GSG1L: variants seen among roughly 807,000 people sequenced by gnomAD.
The protein encoded by GSG1L is GSG1 like.
In GSG1L, 24 loss-of-function variants were observed where a neutral mutation model predicts 42.1. That is an observed-to-expected ratio of 0.57 (90% confidence interval 0.41 to 0.80). The LOEUF is 0.80. Ranked by LOEUF, GSG1L falls within the 30% of genes least tolerant of loss-of-function variation. The probability of loss-of-function intolerance (pLI) is 0.00; values close to 1 mark genes in which losing one functional copy is unlikely to be tolerated. For synonymous variants in GSG1L, 215 were observed against 203.5 expected (o/e 1.06, Z -0.48); for missense variants, 445 against 472.2 (o/e 0.94, Z 0.53).
In GSG1L at chr16:27,946,987, A is replaced by G. The variant is rs532614027; in HGVS notation, c.397+16169T>C. ...TTATCCCTATTTTACAGATGAAGAC[A>G]TGAAGTCACTAAAAGGATCAACAGC... On this transcript the variant is annotated intron_variant, in intron 2 of 6. Transcript: ENST00000447459. Among the ~76,000 whole-genome samples the G allele has an allele frequency of 2.0e-5, 3 of 152,290 alleles. No individual in the cohort carries two copies. In the South Asian group the frequency reaches 6.2e-4, roughly 32 times the overall value.
At chr16:27,910,764 A>G (rs905367028) in intron 2 of GSG1L, among the ~76,000 whole-genome samples, 8 of 152,220 alleles carry the variant, frequency 5.3e-5, no homozygotes, top group Admixed American at 3.3e-4. Context: ...CTGTAACGCC[A>G]GCACTTTGGG....
intron 2 of GSG1L, among the ~76,000 whole-genome samples, chr16:27,934,341 C>T (rs781350293): frequency 2.6e-4 from 39 of 152,150 alleles, no homozygotes; most frequent in African/African-American, 6.0e-4. Flanking sequence ...GTCAGGAGTT[C>T]GAGACCAGCC....
chr16:28,040,604 A>C lies in GSG1L; in HGVS notation c.349+22472T>G, dbSNP rs2086094374. 6.6e-6 allele frequency among the ~76,000 whole-genome samples: 1 copy of C among 152,236 alleles called. No individual in the cohort carries two copies. The highest frequency in any genetic ancestry group is 2.4e-5 in the African/African-American group (1 of 41,466). On this transcript the variant is annotated intron_variant, in intron 1 of 6. Transcript: ENST00000447459. The surrounding 1 kb of genome is among the most constrained non-coding windows in gnomAD (Gnocchi z 4.1). ...TAAATGAACGAATGAATGAAATGTC[A>C]AGGACGGATGCCCTTCCAGCAACCT... is the stretch of plus-strand genomic sequence containing the variant.
chr16:27,951,289 G>A (rs183469184), intron 2 of GSG1L, among the ~76,000 whole-genome samples: 61 of 152,322 alleles, frequency 4.0e-4, no homozygotes, highest in African/African-American at 1.3e-3. Context: ...AACCTGGGTC[G>A]CAGGGCTGGG....
At chr16:27,933,929 C>G (rs2084684834) in intron 2 of GSG1L, among the ~76,000 whole-genome samples, 1 of 152,200 alleles carries the variant, frequency 6.6e-6, no homozygotes, top group Non-Finnish European at 1.5e-5. Context: ...ATTTTGAACC[C>G]TGCCACCCTC....
At chr16:27,856,752 T>C (rs2083583587) in intron 3 of GSG1L, among the ~76,000 whole-genome samples, 1 of 152,182 alleles carries the variant, frequency 6.6e-6, no homozygotes, top group Non-Finnish European at 1.5e-5. Context: ...AGTGAGTGAT[T>C]TAGAGAAAAT....
intron 6 of GSG1L, among the ~76,000 whole-genome samples, chr16:27,797,536 AAAAG>A (rs60447773): frequency 0.17 from 24,560 of 145,522 alleles, 2,202 homozygotes; most frequent in African/African-American, 0.22. Context: ...AAAAAAAAAA[AAAAG>A]GGCCGGGCGC....
At chr16:27,963,433 C>T (rs2085093627) in intron 1 of GSG1L, among the ~76,000 whole-genome samples, 1 of 152,136 alleles carries the variant, frequency 6.6e-6, no homozygotes, top group South Asian at 2.1e-4. Flanking sequence ...TCGCTTCCAC[C>T]TCCACGATAG....
intron 3 of GSG1L, among the ~76,000 whole-genome samples, chr16:27,855,922 G>A (rs1015998613): frequency 6.6e-6 from 1 of 152,080 alleles, no homozygotes; most frequent in Non-Finnish European, 1.5e-5. Flanking sequence ...GCTTCCCTGA[G>A]GCAGGATGTT....
chr16:28,015,766 A>C (rs1238612283), intron 1 of GSG1L, among the ~76,000 whole-genome samples: 1 of 152,222 alleles, frequency 6.6e-6, no homozygotes, highest in East Asian at 1.9e-4. Context: ...AAATATCCTT[A>C]TCAGGACTTG....
chr16:28,045,908 A>G (rs1375466002), intron 1 of GSG1L, among the ~76,000 whole-genome samples: 2 of 151,976 alleles, frequency 1.3e-5, no homozygotes, highest in African/African-American at 4.8e-5. Flanking sequence ...AAGCAGGAGA[A>G]TCATTTGAAC....
intron 1 of GSG1L, among the ~76,000 whole-genome samples, chr16:27,974,236 A>T (rs375268560): frequency 1.3e-5 from 2 of 152,292 alleles, no homozygotes; most frequent in South Asian, 2.1e-4. Flanking sequence ...GGGGATCCAC[A>T]GCACCCTAAA....
chr16:27,942,147 CTT>C (rs34617355), intron 2 of GSG1L, among the ~76,000 whole-genome samples: 1,274 of 115,930 alleles, frequency 0.011, 17 homozygotes, highest in African/African-American at 0.04. Flanking sequence ...AAAACTTCTT[CTT>C]TTTTTTTTTT....
intron 1 of GSG1L, among the ~76,000 whole-genome samples, chr16:27,966,482 C>T (rs1421253475): frequency 6.6e-6 from 1 of 151,094 alleles, no homozygotes; most frequent in Admixed American, 6.7e-5. Context: ...CAGAGCAAGA[C>T]CCCATCTAGG....
intron 2 of GSG1L, among the ~76,000 whole-genome samples, chr16:27,910,291 C>T (rs1461254919): frequency 6.6e-6 from 1 of 152,102 alleles, no homozygotes; most frequent in East Asian, 1.9e-4. Context: ...CCCTCCTGGT[C>T]TGGTCCATAT....
At chr16:27,803,278 C>T (rs777612593) in intron 6 of GSG1L, among the ~76,000 whole-genome samples, 7 of 152,088 alleles carry the variant, frequency 4.6e-5, no homozygotes, top group Admixed American at 2.0e-4. Flanking sequence ...GCCCCTCTGT[C>T]CATGCCCCGA....
chr16:27,918,191 G>C (rs553692201), intron 2 of GSG1L, among the ~76,000 whole-genome samples: 2 of 152,284 alleles, frequency 1.3e-5, no homozygotes, highest in African/African-American at 4.8e-5. Flanking sequence ...AGGGGAATGT[G>C]ATGCTTTGAC....
At chr16:27,909,345 CTTTCTTTCTTT>C (rs1283835657) in intron 2 of GSG1L, among the ~76,000 whole-genome samples, 3 of 149,484 alleles carry the variant, frequency 2.0e-5, no homozygotes, top group East Asian at 3.9e-4. Context: ...CTTTTTCTTT[CTTTCTTTCTTT>C]TTTCTTTCTT....
intron 3 of GSG1L, among the ~76,000 whole-genome samples, chr16:27,865,568 TATATACACACACACATACATACATACAC>T (rs2083710676): frequency 9.6e-5 from 2 of 20,866 alleles, no homozygotes; most frequent in African/African-American, 6.2e-4. Context: ...TATATATATA[TATATACACACACACATACATACATACAC>T]ACACATATAT....
Sources: gnomAD v4.1 joint callset for allele counts (sites outside exome capture counted in the v4.1 genomes callset) on GRCh38, gnomAD v4.1.1 for gene constraint, Gnocchi (gnomAD v3.1) non-coding constraint, MANE v1.5 for transcripts, NCBI Gene and HGNC (gene_info 2026-07-23, HGNC 2026-07-21) for gene names.